The following STIL variants were observed in gnomAD, a reference collection of about 807,000 sequenced individuals.
STIL encodes SCL-interrupting locus protein.
A neutral mutation model predicts 110.1 loss-of-function variants in STIL; 55 were observed. The observed-to-expected ratio is 0.50, with a 90% confidence interval of 0.40 to 0.63. STIL has a LOEUF of 0.63. STIL is among the 20% of genes least tolerant of loss of function. The probability of loss-of-function intolerance (pLI) is 0.00; values close to 1 mark genes in which losing one functional copy is unlikely to be tolerated. For missense variants in STIL, 1,358 were observed against 1,530.0 expected, an observed-to-expected ratio of 0.89 and a Z score of 1.87; for synonymous variants, 481 against 530.0, an observed-to-expected ratio of 0.91 and a Z score of 1.27.
At chr1:47,284,873 G>C (rs1434010054) in intron 10 of STIL, among the ~76,000 whole-genome samples, 3 of 148,230 alleles carry the variant, frequency 2.0e-5, no homozygotes, top group Non-Finnish European at 4.4e-5. Flanking sequence ...CTGGGTGACA[G>C]AGTGAGACCC....
At chr1:47,303,541 GACA>G (rs1410464976) in intron 3 of STIL, among the ~76,000 whole-genome samples, 1 of 152,116 alleles carries the variant, frequency 6.6e-6, no homozygotes, top group Admixed American at 6.6e-5. Flanking sequence ...CTCCAGCCTG[GACA>G]ACAACAGCAA....
intron 12 of STIL, among the ~76,000 whole-genome samples, chr1:47,274,525 G>T (rs1644931358): frequency 6.9e-6 from 1 of 145,808 alleles, no homozygotes; most frequent in African/African-American, 2.5e-5. Flanking sequence ...CACTATGTTA[G>T]CCAGGATGGT....
At chr1:47,272,351 A>G in intron 12 of STIL, 110 bp from the exon 13 acceptor site, 1 of 1,156,856 alleles carries the variant, frequency 8.6e-7, no homozygotes, top group Non-Finnish European at 1.3e-6. Context: ...CTGACTTTTA[A>G]GTCTATTTTC....
At position 47,302,235 on chromosome 1, in the gene STIL, T is replaced by C. The variant is rs1645825872; in HGVS notation, c.264A>G (p.Glu88=). The C allele has an allele frequency of 6.2e-7, 1 of 1,608,802 alleles. No individual in the cohort carries two copies. The highest frequency in any genetic ancestry group is 8.5e-7 in the Non-Finnish European group (1 of 1,175,228). ...CFLLGSLTAD[E]DEEGVTLTVD... The stretch of plus-strand genomic sequence containing the variant: ...GGTCCATTTTTAAAAGTGTATTACC[T>C]TCGTCTGCTGTCAGAGAACCAAGTA... Residue 88 remains glutamate (E), a splice_region_variant and synonymous_variant, in exon 4 of 17, where the codon GAA becomes GAG. Coordinates refer to ENST00000371877, the MANE Select transcript of STIL (RefSeq NM_001048166.1).
At chr1:47,304,149 GT>G (rs201833770) in intron 3 of STIL, among the ~76,000 whole-genome samples, 4 of 145,368 alleles carry the variant, frequency 2.8e-5, no homozygotes, top group Admixed American at 6.9e-5. Flanking sequence ...TTATTGCACC[GT>G]TTTTTTTTCC....
chr1:47,271,336 G>A (rs1369988295), intron 13 of STIL, among the ~76,000 whole-genome samples: 1 of 152,030 alleles, frequency 6.6e-6, no homozygotes, highest in Non-Finnish European at 1.5e-5. Context: ...CCCTTTGGGA[G>A]GCTGAGGTGG....
At chr1:47,276,605 C>T (rs887702981) in intron 12 of STIL, among the ~76,000 whole-genome samples, 4 of 151,412 alleles carry the variant, frequency 2.6e-5, no homozygotes, top group Non-Finnish European at 5.9e-5. Flanking sequence ...GTCAGGAGTT[C>T]GAGATCAGCC....
At chr1:47,259,383 C>G (rs560397327) in intron 16 of STIL, among the ~76,000 whole-genome samples, 2 of 148,276 alleles carry the variant, frequency 1.3e-5, no homozygotes, top group African/African-American at 5.0e-5. Context: ...TCTGCCTCCC[C>G]GGGTTCAGGC....
At chr1:47,292,517 T>A (rs1364817295) in intron 8 of STIL, among the ~76,000 whole-genome samples, 2 of 152,228 alleles carry the variant, frequency 1.3e-5, no homozygotes, top group African/African-American at 4.8e-5. Flanking sequence ...AAATACAGTA[T>A]GTATTATAAA....
chr1:47,293,521 A>G lies in STIL; in HGVS notation c.809T>C (p.Ile270Thr). 6.2e-7 allele frequency: 1 copy of G among 1,613,146 alleles called. No homozygotes were observed. The highest frequency in any genetic ancestry group is 8.5e-7 in the Non-Finnish European group (1 of 1,179,390). The part of the protein sequence containing the change: ...VGIWLSGITH[I>T]YSPQVWACCL... The stretch of plus-strand genomic sequence containing the variant: ...GCAAGCCCATACCTGAGGACTATAG[A>G]TATGTGTAATTCCAGACAGCCAACT... Residue 270 changes from isoleucine (I) to threonine (T), a missense_variant, in exon 8 of 17, where the codon ATC becomes ACC. By Grantham distance (89) the Ile-to-Thr change is moderately conservative. Coordinates refer to ENST00000371877, the MANE Select transcript of STIL (RefSeq NM_001048166.1).
intron 14 of STIL, among the ~76,000 whole-genome samples, chr1:47,268,534 C>T (rs921094736): frequency 1.7e-4 from 26 of 152,194 alleles, no homozygotes; most frequent in African/African-American, 5.3e-4. Context: ...GTGGGTGGAT[C>T]ACCTGAGGTC....
At chr1:47,259,755 A>G (rs1644431801) in intron 16 of STIL, among the ~76,000 whole-genome samples, 1 of 152,240 alleles carries the variant, frequency 6.6e-6, no homozygotes, top group African/African-American at 2.4e-5. Context: ...CCTTAATAAT[A>G]TAATCTCCAG....
At chr1:47,301,775 T>C (rs758011936) in intron 4 of STIL, 27 bp from the exon 5 acceptor site, 9 of 1,602,604 alleles carry the variant, frequency 5.6e-6, no homozygotes, top group South Asian at 4.4e-5. Context: ...ACAGCTATTA[T>C]ACAGCATACT....
chr1:47,307,836 G>A (rs557344970), intron 2 of STIL, among the ~76,000 whole-genome samples: 41 of 152,270 alleles, frequency 2.7e-4, no homozygotes, highest in Admixed American at 2.1e-3. Flanking sequence ...AAGAAAATGC[G>A]CACCTAGGGG....
rs6689687 is a variant in STIL at position 47,301,469 on chromosome 1, C to A, written c.453+92G>T. 685,951 of 1,344,056 alleles carry A rather than the reference C, an allele frequency of 0.51. 181,325 individuals are homozygous for A. The highest frequency in any genetic ancestry group is 0.84 in the African/African-American group (58,643 of 69,412). The allele number at this position is 1,344,056 out of a possible 1,614,324, so 83.3% of individuals were successfully genotyped here. ...ATAATTCAACCAAATTATTGTAAATCATTCTCAAATATGGTTTTACTAAAA... is the reference window on the plus strand; with the variant it reads ...ATAATTCAACCAAATTATTGTAAATAATTCTCAAATATGGTTTTACTAAAA... On this transcript the variant is annotated intron_variant, in intron 5 of 16. Transcript: ENST00000371877.
intron 10 of STIL, chr1:47,283,911 G>C (rs1384758614): frequency 1.3e-5 from 2 of 150,748 alleles, no homozygotes; most frequent in African/African-American, 2.4e-5. Flanking sequence ...GCGGGGGGGT[G>C]GGGGGTGGAT....
In STIL at chr1:47,308,739, A is replaced by G. The variant is rs888984763; in HGVS notation, c.44+1537T>C. On this transcript the variant is annotated intron_variant, in intron 2 of 16. Coordinates refer to ENST00000371877, the MANE Select transcript of STIL (RefSeq NM_001048166.1). The stretch of plus-strand genomic sequence containing the variant: ...GGTGACTATAGTCAATAACAACTTA[A>G]AAGTAATAAATAATAACATTTAAAA... 4.6e-5 allele frequency among the ~76,000 whole-genome samples: 7 copies of G among 152,252 alleles called. No homozygotes were observed. In the East Asian group the frequency reaches 1.3e-3, roughly 29 times the overall value.
chr1:47,304,273 C>T (rs1226576515), intron 3 of STIL, among the ~76,000 whole-genome samples: 1 of 151,928 alleles, frequency 6.6e-6, no homozygotes, highest in Non-Finnish European at 1.5e-5. Context: ...CCTGCCTCAA[C>T]CTCCCAAAGT....
At chr1:47,296,624 C>G (rs545971055) in intron 6 of STIL, among the ~76,000 whole-genome samples, 168 of 151,576 alleles carry the variant, frequency 1.1e-3, no homozygotes, top group Non-Finnish European at 1.8e-3. Context: ...GCCAACATGG[C>G]AAAACCCCAT....
Sources: allele counts gnomAD v4.1 joint callset (sites outside exome capture counted in the v4.1 genomes callset), GRCh38; gene constraint gnomAD v4.1.1; transcripts MANE v1.5; gene names NCBI Gene and HGNC (gene_info 2026-07-23, HGNC 2026-07-21).